GLRX5: variants seen among roughly 807,000 people sequenced by gnomAD.
GLRX5 encodes the protein glutaredoxin 5.
GLRX5 carries 10 observed loss-of-function variants against 13.8 expected under a neutral mutation model. That is an observed-to-expected ratio of 0.72 (90% CI 0.45 to 1.23). The LOEUF (loss-of-function observed/expected upper bound fraction) is 1.23. Among genes scored for constraint, GLRX5 ranks in the 50% most tolerant of loss-of-function variants. The pLI is 0.00. For missense variants in GLRX5, 233 were observed against 215.2 expected (o/e 1.08, Z -0.52); for synonymous variants, 98 against 101.1 (o/e 0.97, Z 0.18).
chr14:95,543,074 G>C, intron 1 of GLRX5: 1 of 456,052 alleles, frequency 2.2e-6, no homozygotes, highest in Non-Finnish European at 4.4e-6. Flanking sequence ...TTTGCACACA[G>C]GACTGATCAC....
At position 95,535,259 on chromosome 14, in the gene GLRX5, TCCTC is replaced by T; in HGVS notation, c.171_174del (p.Phe57LeufsTer62). On this transcript the variant is annotated frameshift_variant, in exon 1 of 2. Coordinates refer to ENST00000331334, the MANE Select transcript of GLRX5 (RefSeq NM_016417.3). LOFTEE classifies it high-confidence loss of function. ...GTGAAGAAGGACAAGGTGGTGGTCT[TCCTC>T]AAGGGGACGCCGGAGCAGCCCCAGT... 1 of 1,571,694 alleles carries T rather than the reference TCCTC, an allele frequency of 6.4e-7. No individual in the cohort carries two copies. The highest frequency in any genetic ancestry group is 2.3e-5 in the East Asian group (1 of 43,444).
At chr14:95,541,768 A>G (rs1296162694) in intron 1 of GLRX5, among the ~76,000 whole-genome samples, 1 of 152,242 alleles carries the variant, frequency 6.6e-6, no homozygotes, top group Non-Finnish European at 1.5e-5. Context: ...GATTGATGAA[A>G]AGCAATTTTA....
rs1405984497 is a variant in GLRX5 at position 95,535,146 on chromosome 14, G to C, written c.57G>C (p.Ala19=). The C allele has an allele frequency of 3.2e-6, 4 of 1,248,550 alleles. No individual in the cohort carries two copies. In the East Asian group the frequency reaches 1.1e-4, roughly 33 times the overall value. The allele number at this position is 1,248,550 out of a possible 1,614,324, so 77.3% of individuals were successfully genotyped here. The part of the protein sequence containing the change: ...AAALLRWGRG[A]GGGGLWGPGV... ...CTCTGCTCCGCTGGGGGCGCGGCGC[G>C]GGCGGCGGTGGCCTTTGGGGTCCGG... is the stretch of plus-strand genomic sequence containing the variant. The change falls in exon 1 of 2, where the codon GCG becomes GCC. Residue 19 remains alanine (A), a synonymous_variant. Coordinates refer to ENST00000331334, the MANE Select transcript of GLRX5 (RefSeq NM_016417.3).
intron 1 of GLRX5, chr14:95,543,180 G>C (rs980354083): frequency 2.2e-6 from 1 of 455,842 alleles, no homozygotes; most frequent in Non-Finnish European, 4.4e-6. Context: ...ACCTTGCTGA[G>C]CTCTGGGCCT....
In GLRX5 at chr14:95,542,509, CTT is replaced by C. The variant is rs529862141; in HGVS notation, c.296-1435_296-1434del. ...GTCAGTTTTTTTAATAAGGCAATAA[CTT>C]TTAAGAAAAAAATAAATAGTATATT... On this transcript the variant is annotated intron_variant, in intron 1 of 1. Transcript: ENST00000331334. Among the ~76,000 whole-genome samples the C allele has an allele frequency of 6.6e-5, 10 of 152,100 alleles. No individual in the cohort carries two copies. In the South Asian group the frequency reaches 2.1e-3, roughly 32 times the overall value.
intron 1 of GLRX5, among the ~76,000 whole-genome samples, chr14:95,540,241 T>C (rs573341372): frequency 3.3e-5 from 5 of 152,294 alleles, no homozygotes; most frequent in African/African-American, 1.2e-4. Flanking sequence ...TTTTCCTGCT[T>C]TATTTTCCTA....
chr14:95,538,018 C>T (rs949855184), intron 1 of GLRX5, among the ~76,000 whole-genome samples: 1 of 152,110 alleles, frequency 6.6e-6, no homozygotes, highest in Non-Finnish European at 1.5e-5. Context: ...ATGTAGAAAA[C>T]ACTGAAAAGT....
At chr14:95,541,937 C>A (rs771698838) in intron 1 of GLRX5, among the ~76,000 whole-genome samples, 1 of 152,152 alleles carries the variant, frequency 6.6e-6, no homozygotes, top group Non-Finnish European at 1.5e-5. Context: ...ATATATTATT[C>A]ATTGAAACAA....
At chr14:95,535,616 A>G (rs1405631988) in intron 1 of GLRX5, among the ~76,000 whole-genome samples, 5 of 152,210 alleles carry the variant, frequency 3.3e-5, no homozygotes, top group Non-Finnish European at 7.4e-5. Flanking sequence ...ACTGTTGCCA[A>G]CTTGAGCAGT....
chr14:95,535,754 A>C (rs542472277), intron 1 of GLRX5, among the ~76,000 whole-genome samples: 98 of 152,174 alleles, frequency 6.4e-4, no homozygotes, highest in African/African-American at 2.3e-3. Context: ...TAGGAAACTC[A>C]TAGTAAGGAC....
At chr14:95,536,165 A>AC (rs1891374274) in intron 1 of GLRX5, among the ~76,000 whole-genome samples, 1 of 152,176 alleles carries the variant, frequency 6.6e-6, no homozygotes, top group Non-Finnish European at 1.5e-5. Flanking sequence ...GGGCCAGGGC[A>AC]CCAGGGACCA....
chr14:95,542,000 A>G (rs1891481743), intron 1 of GLRX5, among the ~76,000 whole-genome samples: 1 of 152,206 alleles, frequency 6.6e-6, no homozygotes, highest in Non-Finnish European at 1.5e-5. Context: ...GTATTTAAGA[A>G]AGTTGAAGAT....
intron 1 of GLRX5, among the ~76,000 whole-genome samples, chr14:95,537,075 G>T (rs1268139763): frequency 6.6e-6 from 1 of 152,176 alleles, no homozygotes; most frequent in African/African-American, 2.4e-5. Flanking sequence ...CAGAGACCTT[G>T]CAGGGAGTCC....
Position 95,543,954 on chromosome 14 carries a change from A to C in GLRX5, c.303A>C (p.Lys101Asn), listed in dbSNP as rs1168546099. 1.1e-5 allele frequency: 18 copies of C among 1,612,824 alleles called. No homozygotes were observed. Among genetic ancestry groups the C allele is most frequent in the Non-Finnish European group, 1.5e-5 (18 of 1,178,740 alleles). Reference sequence around the variant, plus strand: ...AATGTTCTTTCTCCATAGGCATTAAAGACTATTCCAACTGGCCCACCATCC... The same window carrying C: ...AATGTTCTTTCTCCATAGGCATTAACGACTATTCCAACTGGCCCACCATCC... ...LDDPELRQGI[K>N]DYSNWPTIPQ... is the part of the protein sequence containing the mutation. The change falls in exon 2 of 2, where the codon AAA becomes AAC. Residue 101 changes from lysine (K) to asparagine (N), a missense_variant. By Grantham distance (94) the Lys-to-Asn change is moderately conservative (BLOSUM62 0). Coordinates refer to ENST00000331334, the MANE Select transcript of GLRX5 (RefSeq NM_016417.3).
chr14:95,542,260 G>A (rs1891485936), intron 1 of GLRX5, among the ~76,000 whole-genome samples: 1 of 152,192 alleles, frequency 6.6e-6, no homozygotes, highest in South Asian at 2.1e-4. Flanking sequence ...ACTATGTCTA[G>A]ATATTTGGCA....
At chr14:95,541,246 A>C (rs1891468320) in intron 1 of GLRX5, among the ~76,000 whole-genome samples, 1 of 152,262 alleles carries the variant, frequency 6.6e-6, no homozygotes, top group Non-Finnish European at 1.5e-5. Context: ...GAGAGAGATT[A>C]ACCATGTGTA....
intron 1 of GLRX5, 89 bp from the exon 2 acceptor site, chr14:95,543,858 C>A: frequency 8.8e-7 from 1 of 1,140,488 alleles, no homozygotes; most frequent in South Asian, 1.2e-5. Context: ...AGTGGGTTGT[C>A]TGCTACTAGT....
chr14:95,535,642 G>A (rs1891360097), intron 1 of GLRX5, among the ~76,000 whole-genome samples: 1 of 152,234 alleles, frequency 6.6e-6, no homozygotes, highest in Non-Finnish European at 1.5e-5. Context: ...AAGTCCTAAA[G>A]GTTCACTTAT....
At position 95,544,556 on chromosome 14, in the gene GLRX5, G is replaced by A; in HGVS notation, c.*431G>A. 4.9e-6 allele frequency: 1 copy of A among 206,096 alleles called. No individual in the cohort carries two copies. 12.8% of individuals were successfully genotyped at this position (206,096 alleles called of 1,614,324 possible). A position where few individuals can be genotyped will look rare whatever the true frequency, so the allele number is the denominator to read the frequency against. On this transcript the variant is annotated 3_prime_UTR_variant, in exon 2 of 2. Coordinates refer to ENST00000331334, the MANE Select transcript of GLRX5 (RefSeq NM_016417.3). ...CAAAAAAAGAAACTGTGATAACTGG[G>A]GCGTTGTTTTTTAAAATAAACTCCA...
Sources: allele counts gnomAD v4.1 joint callset (sites outside exome capture counted in the v4.1 genomes callset), GRCh38; gene constraint gnomAD v4.1.1; transcripts MANE v1.5; gene names NCBI Gene and HGNC (gene_info 2026-07-23, HGNC 2026-07-21).